TUBGCP5: variants seen among roughly 807,000 people sequenced by gnomAD.
TUBGCP5 encodes gamma-tubulin complex component 5.
Under a neutral mutation model 134.7 loss-of-function variants are expected in TUBGCP5, and 98 were observed. That is an observed-to-expected ratio of 0.73 (90% CI 0.62 to 0.86). The LOEUF (loss-of-function observed/expected upper bound fraction) is 0.86. TUBGCP5 is among the 40% of genes least tolerant of loss of function. The pLI is 0.00. For missense variants in TUBGCP5, 1,150 were observed against 1,244.8 expected, an observed-to-expected ratio of 0.92 and a Z score of 1.15; for synonymous variants, 456 against 431.4, an observed-to-expected ratio of 1.06 and a Z score of -0.71.
At position 22,989,693 on chromosome 15, in the gene TUBGCP5, A is replaced by G. The variant is rs187368617; in HGVS notation, c.*62-6082T>C. On this transcript the variant is annotated intron_variant and NMD_transcript_variant, in intron 23 of 23. Coordinates refer to the TUBGCP5 transcript ENST00000614508. Reference sequence around the variant, plus strand: ...GCCTGGCCAACCAGGAGGAACTTTAATTCCTTCTTAACTGATCCCTCCATT... The same window carrying G: ...GCCTGGCCAACCAGGAGGAACTTTAGTTCCTTCTTAACTGATCCCTCCATT... Among the ~76,000 whole-genome samples, 311 of 152,224 alleles carry G rather than the reference A, an allele frequency of 2.0e-3. 3 individuals carry two copies. The highest frequency in any genetic ancestry group is 2.8e-3 in the Non-Finnish European group (190 of 68,014).
intron 7 of TUBGCP5, 51 bp from the exon 8 acceptor site, chr15:23,026,256 A>G (rs1567153612): frequency 6.0e-6 from 9 of 1,488,852 alleles, no homozygotes; most frequent in Non-Finnish European, 7.5e-6. Context: ...AAGTAAGTAA[A>G]TAACTTATCT....
intron 13 of TUBGCP5, among the ~76,000 whole-genome samples, chr15:23,014,616 C>T (rs1023703240): frequency 5.9e-5 from 9 of 152,300 alleles, no homozygotes; most frequent in Admixed American, 5.2e-4. Context: ...ATACCTAGGA[C>T]GGCCAACAAG....
At chr15:23,027,095 A>G (rs1638528354) in intron 7 of TUBGCP5, 97 bp downstream of exon 7, 1 of 949,808 alleles carries the variant, frequency 1.1e-6, no homozygotes, top group Non-Finnish European at 1.6e-6. Context: ...AACAAGTTTA[A>G]ATTTCAGGGA....
At chr15:23,009,192 G>T (rs747425667) in intron 15 of TUBGCP5, among the ~76,000 whole-genome samples, 1 of 151,582 alleles carries the variant, frequency 6.6e-6, no homozygotes. Context: ...TATCTGGAAT[G>T]TTTCTTTCCT....
intron 16 of TUBGCP5, 33 bp downstream of exon 16, chr15:23,008,666 C>T: frequency 6.3e-7 from 1 of 1,598,732 alleles, no homozygotes; most frequent in Non-Finnish European, 8.5e-7. Flanking sequence ...TCATGTTACA[C>T]TAATTTAAAT....
intron 23 of TUBGCP5, among the ~76,000 whole-genome samples, chr15:22,989,451 T>C (rs1235476380): frequency 7.2e-6 from 1 of 138,120 alleles, no homozygotes; most frequent in African/African-American, 2.7e-5. Flanking sequence ...GTTGACACAA[T>C]AAAAAGACCA....
rs2065890711 is a variant in TUBGCP5 at position 23,024,667 on chromosome 15, T to C, written c.921+70A>G. On this transcript the variant is annotated intron_variant, in intron 9 of 22. Transcript: ENST00000615383. ...CAATAGCAATTTTAATATTGTAAAA[T>C]GTTCTAAAATTATATTACTAGTTTA... The C allele has an allele frequency of 4.7e-6, 4 of 845,010 alleles. No individual in the cohort carries two copies. In the East Asian group the frequency reaches 1.1e-4, roughly 24 times the overall value. The allele number at this position is 845,010 out of a possible 1,614,324, so 52.3% of individuals were successfully genotyped here.
intron 3 of TUBGCP5, among the ~76,000 whole-genome samples, chr15:23,033,868 C>T (rs11855203): frequency 0.045 from 6,880 of 152,084 alleles, 413 homozygotes; most frequent in African/African-American, 0.14. Context: ...TTGGGTATTA[C>T]TCTCCTCTGT....
chr15:22,984,390 C>T (rs111523137), intron 23 of TUBGCP5, among the ~76,000 whole-genome samples: 1,567 of 152,200 alleles, frequency 0.01, 27 homozygotes, highest in African/African-American at 0.036. Flanking sequence ...GAGGCCAAGA[C>T]GTGCAGATCA....
rs2065127900 is a variant in TUBGCP5, at chr15:23,013,094, C to A, written c.1757-1763G>T. 6.6e-6 allele frequency among the ~76,000 whole-genome samples: 1 copy of A among 151,934 alleles called. No individual in the cohort carries two copies. The highest frequency in any genetic ancestry group is 2.1e-4 in the South Asian group (1 of 4,808). On this transcript the variant is annotated intron_variant, in intron 13 of 22. Transcript: ENST00000615383. The surrounding 1 kb of genome is among the most constrained non-coding windows in gnomAD (Gnocchi z 4.5). ...CTCCAGTCGCCAGCAAGGTGGCTGCCTGGAGACGTCTGGTGTTCCTCTCCC... is the reference window on the plus strand; with the variant it reads ...CTCCAGTCGCCAGCAAGGTGGCTGCATGGAGACGTCTGGTGTTCCTCTCCC...
intron 23 of TUBGCP5, among the ~76,000 whole-genome samples, chr15:22,989,096 C>T (rs747478277): frequency 4.6e-5 from 7 of 152,108 alleles, no homozygotes; most frequent in Admixed American, 1.3e-4. Context: ...AGCCGTGTGA[C>T]GACATCCCCA....
In TUBGCP5 at chr15:23,008,699, C is replaced by T. The variant is rs138440581; in HGVS notation, c.2327G>A (p.Arg776His). ...VGQRYPEDSS[R>H]LSISFENVDT... ...AATAAAGGTGGCGTCCATATTTTACCGTGAACTATCTTCAGGATAACGCTG... is the reference window on the plus strand; with the variant it reads ...AATAAAGGTGGCGTCCATATTTTACTGTGAACTATCTTCAGGATAACGCTG... The change falls in exon 16 of 23, where the codon CGT becomes CAT. Residue 776 changes from arginine to histidine, a missense_variant and splice_region_variant. By Grantham distance (29) the Arg-to-His change is conservative (BLOSUM62 0). This residue lies in a region of TUBGCP5 where 697 missense variants were observed against 850.1 expected (regional missense o/e 0.82). Transcript: ENST00000615383. The T allele has an allele frequency of 2.9e-4, 466 of 1,605,950 alleles. No homozygotes were observed. Among genetic ancestry groups the T allele is most frequent in the Non-Finnish European group, 3.8e-4 (445 of 1,178,156 alleles).
Position 22,999,776 on chromosome 15 carries a change from A to G in TUBGCP5, c.*44T>C, listed in dbSNP as rs199797412. On this transcript the variant is annotated 3_prime_UTR_variant, in exon 23 of 23. Transcript: ENST00000615383. The stretch of plus-strand genomic sequence containing the variant: ...TCAGCTGCACATGGTGGAAATGTAC[A>G]TGTATGATGACAAAGTCGGAGATAT... The G allele has an allele frequency of 1.9e-6, 3 of 1,589,774 alleles. No homozygotes were observed. The highest frequency in any genetic ancestry group is 2.2e-5 in the East Asian group (1 of 44,774).
chr15:23,001,353 T>TC (rs1427956441), intron 21 of TUBGCP5, among the ~76,000 whole-genome samples: 1 of 151,088 alleles, frequency 6.6e-6, no homozygotes, highest in Non-Finnish European at 1.5e-5. Context: ...GCCTTTTTTT[T>TC]TTTTAGACAG....
At chr15:23,037,235 T>C (rs1008002419) in intron 1 of TUBGCP5, 83 bp from the exon 2 acceptor site, 3 of 1,283,268 alleles carry the variant, frequency 2.3e-6, no homozygotes, top group African/African-American at 1.5e-5. Context: ...ATATCCCCCA[T>C]ATGCTCTGTA....
At chr15:23,012,410 T>G (rs1489366220) in intron 13 of TUBGCP5, among the ~76,000 whole-genome samples, 2 of 152,158 alleles carry the variant, frequency 1.3e-5, no homozygotes, top group African/African-American at 2.4e-5. Flanking sequence ...AGTCAGTTGA[T>G]AAAACTTTTT....
Position 23,008,827 on chromosome 15 carries a change from A to T in TUBGCP5, c.2199T>A (p.Asp733Glu). 6.3e-7 allele frequency: 1 copy of T among 1,592,886 alleles called. No individual in the cohort carries two copies. Among genetic ancestry groups the T allele is most frequent in the Non-Finnish European group, 8.5e-7 (1 of 1,174,544 alleles). ...MRNFFLMEGG[D>E]TMYDFYTSIF... The stretch of plus-strand genomic sequence containing the variant: ...TTGACGTGTAGAAGTCATACATGGT[A>T]TCTCCTCCTTCCATTAAGAAAAAAT... The change falls in exon 16 of 23, where the codon GAT becomes GAA. Residue 733 changes from aspartate to glutamate, a missense_variant. Asp to Glu is a conservative substitution (Grantham distance 45, BLOSUM62 2). Transcript: ENST00000615383.
intron 4 of TUBGCP5, 97 bp downstream of exon 4, chr15:23,032,631 G>C (rs1228825023): frequency 3.7e-6 from 3 of 813,310 alleles, no homozygotes; most frequent in Non-Finnish European, 5.5e-6. Context: ...TAGTTTCACA[G>C]ATTTTTAGAA....
downstream of TUBGCP5, among the ~76,000 whole-genome samples, chr15:22,997,585 T>A (rs1392170718): frequency 6.6e-6 from 1 of 152,102 alleles, no homozygotes; most frequent in Admixed American, 6.6e-5. Context: ...CACATTTTGT[T>A]GTTTCCAGTT....
Sources: allele counts gnomAD v4.1 joint callset (sites outside exome capture counted in the v4.1 genomes callset), GRCh38; gene constraint gnomAD v4.1.1; regional missense constraint gnomAD v4.1.1; non-coding constraint Gnocchi (gnomAD v3.1); transcripts MANE v1.5; gene names NCBI Gene and HGNC (gene_info 2026-07-23, HGNC 2026-07-21).